The following CNTNAP2 variants were observed in gnomAD, a reference collection of about 807,000 sequenced individuals.
CNTNAP2 encodes the protein contactin associated protein 2.
In CNTNAP2, 98 loss-of-function variants were observed where a neutral mutation model predicts 155.2. The ratio of observed to expected loss-of-function variants is 0.63; its 90% CI spans 0.54 to 0.75. The LOEUF (loss-of-function observed/expected upper bound fraction) is 0.75. Ranked by LOEUF, CNTNAP2 falls within the 30% of genes least tolerant of loss-of-function variation. The probability of loss-of-function intolerance (pLI) is 0.00; values close to 1 mark genes in which losing one functional copy is unlikely to be tolerated. For synonymous variants in CNTNAP2, 651 were observed against 631.2 expected (o/e 1.03, Z -0.47); for missense variants, 1,727 against 1,688.1 (o/e 1.02, Z -0.40).
intron 1 of CNTNAP2, among the ~76,000 whole-genome samples, chr7:146,633,755 G>A (rs187859530): frequency 6.7e-6 from 1 of 149,430 alleles, no homozygotes; most frequent in Admixed American, 6.7e-5. Context: ...GCGTGAACCC[G>A]GGAGACGGAG....
At chr7:146,367,285 A>G (rs1369884194) in intron 1 of CNTNAP2, among the ~76,000 whole-genome samples, 1 of 152,198 alleles carries the variant, frequency 6.6e-6, no homozygotes, top group Non-Finnish European at 1.5e-5. Flanking sequence ...AATATATTTT[A>G]GGTTAAGTAA....
chr7:146,297,483 GAAGA>G (rs1800533148), intron 1 of CNTNAP2, among the ~76,000 whole-genome samples: 1 of 151,726 alleles, frequency 6.6e-6, no homozygotes, highest in Non-Finnish European at 1.5e-5. Flanking sequence ...AAGTGAAATA[GAAGA>G]AAGAGATAGC....
intron 18 of CNTNAP2, among the ~76,000 whole-genome samples, chr7:148,215,533 A>G (rs1795621772): frequency 7.2e-6 from 1 of 138,168 alleles, no homozygotes; most frequent in Non-Finnish European, 1.5e-5. Flanking sequence ...TTTTTTTAAC[A>G]TTAGTGACTT....
In CNTNAP2 at chr7:147,014,447, A is replaced by C. The variant is rs192146849; in HGVS notation, c.403-29460A>C. 7.2e-5 allele frequency among the ~76,000 whole-genome samples: 11 copies of C among 152,274 alleles called. No individual in the cohort carries two copies. The East Asian group carries it at 2.1e-3, about 29-fold the overall frequency. ...CAGTAACCATGGAAATGTTTAGTACATCATCCAACAATAAATAAATAGGCT... is the reference window on the plus strand; with the variant it reads ...CAGTAACCATGGAAATGTTTAGTACCTCATCCAACAATAAATAAATAGGCT... On this transcript the variant is annotated intron_variant, in intron 3 of 23. Transcript: ENST00000361727.
chr7:147,016,995 C>T (rs956256280), intron 3 of CNTNAP2, among the ~76,000 whole-genome samples: 10 of 150,574 alleles, frequency 6.6e-5, no homozygotes, highest in African/African-American at 2.0e-4. Flanking sequence ...AATTTTCCTG[C>T]ATTTATTCTT....
chr7:148,178,143 T>C (rs1323716702), intron 18 of CNTNAP2, among the ~76,000 whole-genome samples: 1 of 152,204 alleles, frequency 6.6e-6, no homozygotes, highest in Non-Finnish European at 1.5e-5. Context: ...ATTATGATCC[T>C]TTCACCAAGC....
At chr7:147,324,638 G>T (rs1795416749) in intron 9 of CNTNAP2, among the ~76,000 whole-genome samples, 1 of 151,252 alleles carries the variant, frequency 6.6e-6, no homozygotes, top group African/African-American at 2.4e-5. Context: ...CAACTTATTT[G>T]TATATTTTAA....
At chr7:147,608,858 G>A (rs1417177068) in intron 12 of CNTNAP2, among the ~76,000 whole-genome samples, 1 of 152,028 alleles carries the variant, frequency 6.6e-6, no homozygotes, top group East Asian at 1.9e-4. Flanking sequence ...ATTTGGGTAG[G>A]TAGTGGAAAA....
rs891925132 is a variant in CNTNAP2, at chr7:147,011,346, G to A, written c.403-32561G>A. On this transcript the variant is annotated intron_variant, in intron 3 of 23. Coordinates refer to ENST00000361727, the MANE Select transcript of CNTNAP2 (RefSeq NM_014141.6). ...GGAGAATCACTTGAACCTGGGAGGCGAGGCGGGGGTTGCAATGAGCCAAGA... is the reference window on the plus strand; with the variant it reads ...GGAGAATCACTTGAACCTGGGAGGCAAGGCGGGGGTTGCAATGAGCCAAGA... 1.1e-4 allele frequency among the ~76,000 whole-genome samples: 17 copies of A among 149,154 alleles called. No homozygotes were observed. In the East Asian group the frequency reaches 1.2e-3, roughly 10 times the overall value.
intron 1 of CNTNAP2, among the ~76,000 whole-genome samples, chr7:146,511,984 C>CAT (rs1231329249): frequency 6.6e-6 from 1 of 151,972 alleles, no homozygotes; most frequent in Non-Finnish European, 1.5e-5. Context: ...TCTATTTCCT[C>CAT]ATATTTCAAT....
chr7:146,444,523 T>C (rs1165779426), intron 1 of CNTNAP2, among the ~76,000 whole-genome samples: 1 of 152,120 alleles, frequency 6.6e-6, no homozygotes, highest in Non-Finnish European at 1.5e-5. Flanking sequence ...AAGTAATGGA[T>C]GAGCCATTGC....
intron 13 of CNTNAP2, among the ~76,000 whole-genome samples, chr7:147,777,175 G>T (rs1797597090): frequency 6.6e-6 from 1 of 152,038 alleles, no homozygotes; most frequent in Non-Finnish European, 1.5e-5. Context: ...AATTTATGGA[G>T]GAGGAGAAGA....
chr7:146,502,988 A>G (rs1410443641), intron 1 of CNTNAP2, among the ~76,000 whole-genome samples: 1 of 152,056 alleles, frequency 6.6e-6, no homozygotes, highest in African/African-American at 2.4e-5. Flanking sequence ...CTTGTTAGCT[A>G]TTTGTATGTC....
chr7:148,104,508 G>C (rs1467869308), intron 15 of CNTNAP2, among the ~76,000 whole-genome samples: 1 of 152,208 alleles, frequency 6.6e-6, no homozygotes, highest in Non-Finnish European at 1.5e-5. Flanking sequence ...GCTCTGCACA[G>C]TGGTGGAGTG....
intron 17 of CNTNAP2, among the ~76,000 whole-genome samples, chr7:148,148,101 A>G (rs1384922353): frequency 7.3e-6 from 1 of 137,108 alleles, no homozygotes; most frequent in Non-Finnish European, 1.6e-5. Flanking sequence ...AGAGGGAGGG[A>G]GGGAGGGAGG....
chr7:147,174,139 GC>G, intron 8 of CNTNAP2, among the ~76,000 whole-genome samples: 1 of 152,048 alleles, frequency 6.6e-6, no homozygotes, highest in Middle Eastern at 3.4e-3. Flanking sequence ...CATATTAATA[GC>G]AGCATTATAC....
At chr7:146,800,463 T>C (rs1802854366) in intron 2 of CNTNAP2, among the ~76,000 whole-genome samples, 1 of 152,188 alleles carries the variant, frequency 6.6e-6, no homozygotes. Context: ...AAGTCTTGTG[T>C]TTTTCTTTCT....
chr7:147,102,113 G>A (rs1443190418), intron 4 of CNTNAP2, among the ~76,000 whole-genome samples: 3 of 151,968 alleles, frequency 2.0e-5, no homozygotes, highest in African/African-American at 7.3e-5. Flanking sequence ...ACATATAAAA[G>A]TAAACTATGA....
At chr7:146,845,791 T>G (rs1202631068) in intron 3 of CNTNAP2, among the ~76,000 whole-genome samples, 2 of 152,214 alleles carry the variant, frequency 1.3e-5, no homozygotes, top group Non-Finnish European at 2.9e-5. Flanking sequence ...CAGTGCAGGC[T>G]GGGTCAGTGA....
Sources: gnomAD v4.1 joint callset for allele counts (sites outside exome capture counted in the v4.1 genomes callset) on GRCh38, gnomAD v4.1.1 for gene constraint, MANE v1.5 for transcripts, NCBI Gene and HGNC (gene_info 2026-07-23, HGNC 2026-07-21) for gene names.